The following CDC14B variants were observed in gnomAD, a reference collection of about 807,000 sequenced individuals.
CDC14B encodes the protein cell division cycle 14B, also known as dual specificity protein phosphatase CDC14B.
Under a neutral mutation model 64.2 loss-of-function variants are expected in CDC14B, and 22 were observed. The observed-to-expected ratio is 0.34, with a 90% CI of 0.24 to 0.49. The LOEUF (loss-of-function observed/expected upper bound fraction) is 0.49. CDC14B is among the 20% of genes least tolerant of loss of function. The pLI is 0.99. For synonymous variants in CDC14B, 191 were observed against 215.8 expected, an observed-to-expected ratio of 0.89 and a Z score of 1.01; for missense variants, 498 against 629.9, an observed-to-expected ratio of 0.79 and a Z score of 2.24.
chr9:96,516,085 G>A (rs1835616495), intron 12 of CDC14B, among the ~76,000 whole-genome samples: 2 of 152,136 alleles, frequency 1.3e-5, no homozygotes, highest in African/African-American at 4.8e-5. Flanking sequence ...ATAAATGATT[G>A]AGGTTCTTCA....
intron 1 of CDC14B, among the ~76,000 whole-genome samples, chr9:96,584,446 AAGTC>A (rs1331531768): frequency 6.6e-6 from 1 of 152,164 alleles, no homozygotes; most frequent in Non-Finnish European, 1.5e-5. Context: ...ATAGTCAAGA[AAGTC>A]AGACTCCTGA....
intron 1 of CDC14B, among the ~76,000 whole-genome samples, chr9:96,577,296 AT>A (rs1301271346): frequency 6.6e-6 from 1 of 152,022 alleles, no homozygotes; most frequent in Non-Finnish European, 1.5e-5. Flanking sequence ...AAAAAAATCT[AT>A]CAATCTATCA....
intron 1 of CDC14B, among the ~76,000 whole-genome samples, chr9:96,607,489 C>T (rs944634753): frequency 2.8e-5 from 4 of 144,416 alleles, no homozygotes; most frequent in African/African-American, 1.0e-4. Context: ...GGTGCCATCT[C>T]GGCTCACTGC....
At chr9:96,572,279 C>G (rs961641761) in intron 1 of CDC14B, among the ~76,000 whole-genome samples, 1 of 152,194 alleles carries the variant, frequency 6.6e-6, no homozygotes, top group African/African-American at 2.4e-5. Context: ...TGAACCCAAA[C>G]AGGGGATACC....
intron 9 of CDC14B, among the ~76,000 whole-genome samples, chr9:96,532,411 ACTGT>A (rs1246699419): frequency 6.6e-6 from 1 of 152,068 alleles, no homozygotes; most frequent in East Asian, 1.9e-4. Context: ...TGCTTTCAAG[ACTGT>A]CTGTGGCATT....
At chr9:96,524,917 G>A (rs1837330861) in intron 9 of CDC14B, among the ~76,000 whole-genome samples, 1 of 152,122 alleles carries the variant, frequency 6.6e-6, no homozygotes, top group Non-Finnish European at 1.5e-5. Flanking sequence ...CATGAGATAG[G>A]GGTCACTGTA....
intron 1 of CDC14B, among the ~76,000 whole-genome samples, chr9:96,599,789 G>A (rs1382667056): frequency 1.3e-5 from 2 of 151,858 alleles, no homozygotes; most frequent in African/African-American, 4.8e-5. Context: ...CCAGGCTGGA[G>A]TGCAGTGGCG....
chr9:96,606,332 CAAAAA>C (rs772460843), intron 1 of CDC14B, among the ~76,000 whole-genome samples: 1 of 21,052 alleles, frequency 4.8e-5, no homozygotes, highest in African/African-American at 1.1e-4. Context: ...GACTCCATCT[CAAAAA>C]AAAAAAAAAA....
chr9:96,603,698 A>C (rs932851750), intron 1 of CDC14B, among the ~76,000 whole-genome samples: 23 of 152,252 alleles, frequency 1.5e-4, no homozygotes, highest in African/African-American at 5.3e-4. Flanking sequence ...CACTTCTTAC[A>C]AGATTAGCAC....
intron 5 of CDC14B, among the ~76,000 whole-genome samples, chr9:96,547,815 A>T (rs1283621297): frequency 1.3e-5 from 2 of 151,380 alleles, no homozygotes; most frequent in Non-Finnish European, 2.9e-5. Context: ...GAGAGAATGT[A>T]TTATTGTTTC....
chr9:96,523,741 A>C lies in CDC14B; in HGVS notation c.947-16T>G. The C allele has an allele frequency of 2.5e-6, 4 of 1,607,274 alleles. No individual in the cohort carries two copies. Among genetic ancestry groups the C allele is most frequent in the Non-Finnish European group, 3.4e-6 (4 of 1,174,840 alleles). On this transcript the variant is annotated splice_polypyrimidine_tract_variant and intron_variant, in intron 9 of 13. Transcript: ENST00000375241. ...CCAAGGCCAGCTAGGAAAATAAAGAAGCACAGAAATGAAACTTGGGCTGAT... is the reference window on the plus strand; with the variant it reads ...CCAAGGCCAGCTAGGAAAATAAAGACGCACAGAAATGAAACTTGGGCTGAT...
intron 1 of CDC14B, among the ~76,000 whole-genome samples, chr9:96,579,584 CAAAA>C (rs547800275): frequency 1.1e-5 from 1 of 94,682 alleles, no homozygotes. Context: ...GACTCTGTCT[CAAAA>C]AAAAAAAAAA....
chr9:96,508,691 G>A (rs1834511079), intron 13 of CDC14B, among the ~76,000 whole-genome samples: 1 of 152,140 alleles, frequency 6.6e-6, no homozygotes, highest in South Asian at 2.1e-4. Flanking sequence ...ACAGTGTAGA[G>A]GAGACATGGC....
Position 96,551,111 on chromosome 9 carries a change from C to CTTTTTTTTTTTTTTTTTTTTTTTTTTTTT in CDC14B, c.497+684_497+685insAAAAAAAAAAAAAAAAAAAAAAAAAAAAA, listed in dbSNP as rs202193145. Among the ~76,000 whole-genome samples the CTTTTTTTTTTTTTTTTTTTTTTTTTTTTT allele has an allele frequency of 1.1e-4, 10 of 93,290 alleles. 1 individual carries two copies. Among genetic ancestry groups the CTTTTTTTTTTTTTTTTTTTTTTTTTTTTT allele is most frequent in the African/African-American group, 2.0e-4 (4 of 20,376 alleles). The allele number at this position is 93,290 out of a possible 152,430, so 61.2% of individuals were successfully genotyped here. A position where few individuals can be genotyped will look rare whatever the true frequency, so the allele number is the denominator to read the frequency against. ...TACAAAGCCTAGGTTTTGGGGTTTG[C>CTTTTTTTTTTTTTTTTTTTTTTTTTTTTT]TTTTTTTTTTTTTTTTTTTGAGACA... On this transcript the variant is annotated intron_variant, in intron 5 of 13. Coordinates refer to ENST00000375241, the MANE Select transcript of CDC14B (RefSeq NM_033331.4).
intron 12 of CDC14B, among the ~76,000 whole-genome samples, chr9:96,510,618 T>C (rs1337274333): frequency 6.6e-6 from 1 of 151,792 alleles, no homozygotes; most frequent in African/African-American, 2.4e-5. Context: ...CTTTTTTTTT[T>C]TTTTTGAGAT....
intron 6 of CDC14B, 45 bp from the exon 7 acceptor site, chr9:96,539,185 A>T: frequency 7.5e-7 from 1 of 1,339,050 alleles, no homozygotes; most frequent in East Asian, 2.3e-5. Flanking sequence ...TGCAAATAAG[A>T]AAACAGTTTC....
intron 1 of CDC14B, among the ~76,000 whole-genome samples, chr9:96,586,397 T>C (rs1845458024): frequency 6.6e-6 from 1 of 152,182 alleles, no homozygotes; most frequent in Non-Finnish European, 1.5e-5. Context: ...ATTCTTGAAA[T>C]AGTAATTGTA....
rs1161910818 is a variant in CDC14B at position 96,503,613 on chromosome 9, C to T, written c.*140G>A. 7.2e-6 allele frequency: 5 copies of T among 694,480 alleles called. No homozygotes were observed. Among genetic ancestry groups the T allele is most frequent in the Non-Finnish European group, 1.2e-5 (5 of 402,062 alleles). 43.0% of individuals were successfully genotyped at this position (694,480 alleles called of 1,614,324 possible). A position where few individuals can be genotyped will look rare whatever the true frequency, so the allele number is the denominator to read the frequency against. On this transcript the variant is annotated 3_prime_UTR_variant, in exon 14 of 14. Coordinates refer to ENST00000375241, the MANE Select transcript of CDC14B (RefSeq NM_033331.4). Reference sequence around the variant, plus strand: ...AGTTCATTATTCAAACTCCAGTGGACATTTTCTCCATTGATCAACTTCTTA... The same window carrying T: ...AGTTCATTATTCAAACTCCAGTGGATATTTTCTCCATTGATCAACTTCTTA...
intron 1 of CDC14B, among the ~76,000 whole-genome samples, chr9:96,576,630 C>T (rs1844819797): frequency 1.4e-5 from 1 of 69,748 alleles, no homozygotes; most frequent in African/African-American, 6.2e-5. Context: ...GAGACTCCAT[C>T]TCAAAAAAAA....
Sources: allele counts gnomAD v4.1 joint callset (sites outside exome capture counted in the v4.1 genomes callset), GRCh38; gene constraint gnomAD v4.1.1; transcripts MANE v1.5; gene names NCBI Gene and HGNC (gene_info 2026-07-23, HGNC 2026-07-21).